The following LRRC4C variants were observed in gnomAD, a reference collection of about 807,000 sequenced individuals.
LRRC4C encodes leucine-rich repeat-containing protein 4C.
LRRC4C carries 5 observed loss-of-function variants against 33.6 expected under a neutral mutation model. The ratio of observed to expected loss-of-function variants is 0.15; its 90% CI spans 0.08 to 0.31. The LOEUF (loss-of-function observed/expected upper bound fraction) is 0.31. LRRC4C is among the 10% of genes least tolerant of loss of function. The pLI, the probability that LRRC4C is intolerant of heterozygous loss-of-function variation, is 1.00. For missense variants in LRRC4C, 560 were observed against 796.7 expected (o/e 0.70, Z 3.58); for synonymous variants, 329 against 302.0 (o/e 1.09, Z -0.93).
At chr11:41,146,605 G>C (rs778346045) in intron 1 of LRRC4C, among the ~76,000 whole-genome samples, 1 of 152,188 alleles carries the variant, frequency 6.6e-6, no homozygotes, top group Non-Finnish European at 1.5e-5. Context: ...ATTAGGACCT[G>C]ATCTGAAACA....
intron 3 of LRRC4C, among the ~76,000 whole-genome samples, chr11:40,415,383 A>G (rs779217962): frequency 2.0e-5 from 3 of 152,136 alleles, no homozygotes; most frequent in African/African-American, 2.4e-5. Context: ...CGGTGGTGCA[A>G]TGGAACACGT....
Position 41,214,575 on chromosome 11 carries a change from C to CAAAAAAA in LRRC4C, c.-496+244849_-496+244855dup, listed in dbSNP as rs547167050. Among the ~76,000 whole-genome samples, 235 of 34,750 alleles carry CAAAAAAA rather than the reference C, an allele frequency of 6.8e-3. 17 individuals are homozygous for CAAAAAAA. The highest frequency in any genetic ancestry group is 0.026 in the African/African-American group (217 of 8,416). 22.8% of individuals were successfully genotyped at this position (34,750 alleles called of 152,430 possible). A position where few individuals can be genotyped will look rare whatever the true frequency, so the allele number is the denominator to read the frequency against. ...TGAAACCCCGTCTCTACTAAAAATA[C>CAAAAAAA]AAAAAAAAAAAAAAAAAAAAAAAAA... On this transcript the variant is annotated intron_variant, in intron 1 of 6. Transcript: ENST00000528697.
At chr11:40,507,344 G>T (rs1167005035) in intron 3 of LRRC4C, among the ~76,000 whole-genome samples, 1 of 152,082 alleles carries the variant, frequency 6.6e-6, no homozygotes, top group Non-Finnish European at 1.5e-5. Context: ...GGAAAAGGCA[G>T]CTTACTAAAA....
intron 1 of LRRC4C, among the ~76,000 whole-genome samples, chr11:41,453,933 A>T (rs1056537156): frequency 6.6e-6 from 1 of 152,246 alleles, no homozygotes; most frequent in South Asian, 2.1e-4. Context: ...ACCAATTGAC[A>T]TCCCTCTTTC....
chr11:40,947,115 T>A (rs1958439770), intron 1 of LRRC4C, among the ~76,000 whole-genome samples: 2 of 152,174 alleles, frequency 1.3e-5, no homozygotes, highest in African/African-American at 4.8e-5. Context: ...CCTTTGGAAA[T>A]ACAGGCTAAT....
chr11:40,808,454 C>A (rs1445138633), intron 2 of LRRC4C, among the ~76,000 whole-genome samples: 2 of 152,162 alleles, frequency 1.3e-5, no homozygotes, highest in Non-Finnish European at 1.5e-5. Context: ...CTCACTATAT[C>A]TGAAGTAATT....
At chr11:41,057,276 G>A (rs768218718) in intron 1 of LRRC4C, among the ~76,000 whole-genome samples, 4 of 152,188 alleles carry the variant, frequency 2.6e-5, no homozygotes, top group Non-Finnish European at 5.9e-5. Flanking sequence ...CACACTCGAG[G>A]CAGTGCTGAA....
chr11:40,251,466 A>C, intron 4 of LRRC4C, among the ~76,000 whole-genome samples: 1 of 152,104 alleles, frequency 6.6e-6, no homozygotes, highest in East Asian at 1.9e-4. Flanking sequence ...TCAAACCTAC[A>C]AACAGATATT....
At chr11:41,131,143 C>G (rs1476790567) in intron 1 of LRRC4C, among the ~76,000 whole-genome samples, 1 of 151,948 alleles carries the variant, frequency 6.6e-6, no homozygotes, top group Non-Finnish European at 1.5e-5. Flanking sequence ...ATGTCATAAG[C>G]ATCAGAAATT....
intron 3 of LRRC4C, among the ~76,000 whole-genome samples, chr11:40,447,511 A>T (rs567473942): frequency 1.4e-4 from 22 of 152,296 alleles, no homozygotes; most frequent in African/African-American, 5.1e-4. Context: ...CTCTCTCAAC[A>T]ATCCAGGGGT....
Position 40,114,462 on chromosome 11 carries a change from C to CTGT in LRRC4C, c.1828_1830dup (p.Thr610dup). The CTGT allele has an allele frequency of 1.9e-6, 3 of 1,613,978 alleles. No individual in the cohort carries two copies. The highest frequency in any genetic ancestry group is 2.5e-6 in the Non-Finnish European group (3 of 1,179,990). On this transcript the variant is annotated inframe_insertion, in exon 7 of 7. Coordinates refer to ENST00000528697, the MANE Select transcript of LRRC4C (RefSeq NM_001258419.2). ...CTGTGTATTGAATTTATTGTGTTAA[C>CTGT]TGTTGTTGTGTGGTTGAAGGGAGAT...
At chr11:40,274,223 T>C (rs1434967173) in intron 4 of LRRC4C, among the ~76,000 whole-genome samples, 1 of 151,970 alleles carries the variant, frequency 6.6e-6, no homozygotes, top group Admixed American at 6.6e-5. Context: ...AGAAATCTAG[T>C]GTGGGAAGTC....
rs376473398 is a variant in LRRC4C at position 40,640,789 on chromosome 11, C to A, written c.-270+7353G>T. Among the ~76,000 whole-genome samples, 82 of 152,058 alleles carry A rather than the reference C, an allele frequency of 5.4e-4. 1 individual carries two copies. The South Asian group carries it at 0.016, about 30-fold the overall frequency. On this transcript the variant is annotated intron_variant, in intron 3 of 6. Transcript: ENST00000528697. Reference sequence around the variant, plus strand: ...CAGCACTTTGGAAGGCCAAGGTGGGCGGATCACGAGGTCAGGAGATCGAGA... The same window carrying A: ...CAGCACTTTGGAAGGCCAAGGTGGGAGGATCACGAGGTCAGGAGATCGAGA...
chr11:41,225,528 A>G lies in LRRC4C; in HGVS notation c.-496+233903T>C, dbSNP rs1405289435. ...ATTAAGAATATTTGGGCCAGGCCCAATGGCTCACACCTGTAATCCCAGCAC... is the reference window on the plus strand; with the variant it reads ...ATTAAGAATATTTGGGCCAGGCCCAGTGGCTCACACCTGTAATCCCAGCAC... On this transcript the variant is annotated intron_variant, in intron 1 of 6. Coordinates refer to ENST00000528697, the MANE Select transcript of LRRC4C (RefSeq NM_001258419.2). Among the ~76,000 whole-genome samples, 7 of 152,248 alleles carry G rather than the reference A, an allele frequency of 4.6e-5. No individual in the cohort carries two copies. The East Asian group carries it at 1.4e-3, about 29-fold the overall frequency.
At chr11:41,359,930 C>A (rs532335789) in intron 1 of LRRC4C, among the ~76,000 whole-genome samples, 1 of 152,038 alleles carries the variant, frequency 6.6e-6, no homozygotes, top group African/African-American at 2.4e-5. Context: ...TGCCTGTAAC[C>A]CCAGCACTTT....
intron 1 of LRRC4C, among the ~76,000 whole-genome samples, chr11:41,442,501 G>A (rs1171301741): frequency 4.3e-5 from 4 of 93,484 alleles, no homozygotes; most frequent in Middle Eastern, 0.014. Flanking sequence ...ACAGAGTCTT[G>A]CTCTGTCGCC....
At chr11:41,126,584 G>C (rs936056951) in intron 1 of LRRC4C, among the ~76,000 whole-genome samples, 1 of 151,948 alleles carries the variant, frequency 6.6e-6, no homozygotes, top group Non-Finnish European at 1.5e-5. Context: ...AACTCCAAAA[G>C]AACCATACTT....
intron 1 of LRRC4C, among the ~76,000 whole-genome samples, chr11:40,975,535 C>T (rs1852022511): frequency 6.6e-6 from 1 of 152,222 alleles, no homozygotes; most frequent in South Asian, 2.1e-4. Context: ...TAAGTAGCCT[C>T]ATCTCTTTAT....
intron 2 of LRRC4C, among the ~76,000 whole-genome samples, chr11:40,799,182 C>T (rs72898771): frequency 0.037 from 5,630 of 152,134 alleles, 144 homozygotes; most frequent in South Asian, 0.055. Context: ...CAGCCCCCTA[C>T]AAATAGGTTT....
Sources: gnomAD v4.1 joint callset for allele counts (sites outside exome capture counted in the v4.1 genomes callset) on GRCh38, gnomAD v4.1.1 for gene constraint, MANE v1.5 for transcripts, NCBI Gene and HGNC (gene_info 2026-07-23, HGNC 2026-07-21) for gene names.